Variants in GATAD2A observed in about 807,000 individuals in gnomAD.
GATAD2A encodes the protein GATA zinc finger domain containing 2A.
GATAD2A carries 12 observed loss-of-function variants against 68.5 expected under a neutral mutation model. That is an observed-to-expected ratio of 0.18 (90% confidence interval 0.11 to 0.28). The LOEUF (loss-of-function observed/expected upper bound fraction) is 0.28. GATAD2A is among the 10% of genes least tolerant of loss of function. The probability of loss-of-function intolerance (pLI) is 1.00; values close to 1 mark genes in which losing one functional copy is unlikely to be tolerated. For synonymous variants in GATAD2A, 410 were observed against 375.3 expected (o/e 1.09, Z -1.07); for missense variants, 755 against 868.5 (o/e 0.87, Z 1.64).
At chr19:19,496,259 C>G in intron 7 of GATAD2A, 40 bp downstream of exon 7, 2 of 1,577,828 alleles carry the variant, frequency 1.3e-6, no homozygotes, top group South Asian at 2.2e-5. Context: ...GAGTGTGTGT[C>G]CCACCTGTGA....
intron 2 of GATAD2A, among the ~76,000 whole-genome samples, chr19:19,491,824 G>A (rs924104468): frequency 1.3e-5 from 2 of 152,210 alleles, no homozygotes; most frequent in Non-Finnish European, 2.9e-5. Context: ...GCAGGGAGCT[G>A]GGCTCCCCTT....
At chr19:19,446,119 T>C (rs2055687474) in intron 1 of GATAD2A, among the ~76,000 whole-genome samples, 1 of 152,258 alleles carries the variant, frequency 6.6e-6, no homozygotes, top group Admixed American at 6.5e-5. Flanking sequence ...CCGTTTTCCA[T>C]GTCACTCTTA....
chr19:19,411,418 A>T (rs2050909276), intron 1 of GATAD2A, among the ~76,000 whole-genome samples: 1 of 152,176 alleles, frequency 6.6e-6, no homozygotes, highest in Non-Finnish European at 1.5e-5. Flanking sequence ...CAGATCTGTC[A>T]TGGGAGCCTT....
intron 1 of GATAD2A, among the ~76,000 whole-genome samples, chr19:19,422,562 G>T (rs1040428603): frequency 1.3e-5 from 2 of 152,196 alleles, no homozygotes; most frequent in Non-Finnish European, 2.9e-5. Flanking sequence ...GGGGATAGTG[G>T]TGAGGACAGT....
chr19:19,486,509 G>C (rs1054037173), intron 2 of GATAD2A, among the ~76,000 whole-genome samples: 1 of 152,246 alleles, frequency 6.6e-6, no homozygotes, highest in Admixed American at 6.5e-5. Context: ...TGAAGAGGCA[G>C]CATGTGATCT....
At chr19:19,441,022 CTTCCTTCCCTTCCTTCT>C (rs1277734486) in intron 1 of GATAD2A, among the ~76,000 whole-genome samples, 46 of 129,418 alleles carry the variant, frequency 3.6e-4, no homozygotes, top group Non-Finnish European at 5.8e-4. Flanking sequence ...CCTTCCTTCC[CTTCCTTCCCTTCCTTCT>C]TTCCTTCCCT....
chr19:19,386,499 C>A (rs1354412978), intron 1 of GATAD2A, among the ~76,000 whole-genome samples: 5 of 151,714 alleles, frequency 3.3e-5, no homozygotes, highest in African/African-American at 1.2e-4. Context: ...AGGGGACTTT[C>A]TTCCCATCTA....
intron 2 of GATAD2A, among the ~76,000 whole-genome samples, chr19:19,483,629 T>C (rs2059209165): frequency 1.3e-5 from 2 of 151,538 alleles, no homozygotes; most frequent in African/African-American, 4.8e-5. Flanking sequence ...GTGTTTTTTT[T>C]TTGGAGACTG....
chr19:19,484,518 CTTT>C (rs58628123), intron 2 of GATAD2A, among the ~76,000 whole-genome samples: 2 of 114,466 alleles, frequency 1.7e-5, no homozygotes, highest in Admixed American at 1.8e-4. Flanking sequence ...TTTTCTTTTT[CTTT>C]TTTTTTTTTT....
rs1173519874 is a variant in GATAD2A at position 19,492,379 on chromosome 19, C to T, written c.343C>T (p.Pro115Ser). The T allele has an allele frequency of 1.9e-6, 3 of 1,613,398 alleles. No homozygotes were observed. The highest frequency in any genetic ancestry group is 2.5e-6 in the Non-Finnish European group (3 of 1,179,708). ...CTCCGACAACGAGCAGCCCTCGAGC[C>T]CGAGAGTGAATGGGCTGACCACGGT... ...VLSDNEQPSS[P>S]RVNGLTTVAL... The change falls in exon 3 of 12, where the codon CCG becomes TCG. Residue 115 changes from proline (P) to serine (S), a missense_variant. By Grantham distance (74) the Pro-to-Ser change is moderately conservative. Coordinates refer to ENST00000683918, the MANE Select transcript of GATAD2A (RefSeq NM_001384528.1).
chr19:19,477,270 G>T (rs146615553), intron 2 of GATAD2A, among the ~76,000 whole-genome samples: 134 of 152,294 alleles, frequency 8.8e-4, no homozygotes, highest in Non-Finnish European at 1.8e-3. Flanking sequence ...GTTGCTATGT[G>T]CCTCCCTTGC....
chr19:19,467,741 A>C (rs1020240018), intron 2 of GATAD2A, among the ~76,000 whole-genome samples: 4 of 152,214 alleles, frequency 2.6e-5, no homozygotes, highest in Non-Finnish European at 4.4e-5. Context: ...GATGGCTTCT[A>C]GGAGAGAGAA....
At chr19:19,426,894 G>A (rs1391415407) in intron 1 of GATAD2A, among the ~76,000 whole-genome samples, 2 of 152,224 alleles carry the variant, frequency 1.3e-5, no homozygotes, top group Admixed American at 1.3e-4. Flanking sequence ...TGGCATGGCT[G>A]AGCTGGGGAG....
chr19:19,406,269 G>C (rs2050233983), intron 1 of GATAD2A, among the ~76,000 whole-genome samples: 1 of 152,046 alleles, frequency 6.6e-6, no homozygotes, highest in African/African-American at 2.4e-5. Context: ...GGAAAGTCGC[G>C]GCGTCGCCCC....
chr19:19,437,115 T>C (rs2054455096), intron 1 of GATAD2A, among the ~76,000 whole-genome samples: 2 of 152,226 alleles, frequency 1.3e-5, no homozygotes, highest in Non-Finnish European at 2.9e-5. Flanking sequence ...AATGAAACTT[T>C]CGTGGTACTT....
chr19:19,483,764 GCCA>G (rs1472023640), intron 2 of GATAD2A, among the ~76,000 whole-genome samples: 3 of 150,310 alleles, frequency 2.0e-5, no homozygotes, highest in Non-Finnish European at 4.4e-5. Context: ...ACAGGTGCCC[GCCA>G]CCATACCCGG....
At chr19:19,386,516 C>G (rs1490383221) in intron 1 of GATAD2A, among the ~76,000 whole-genome samples, 1 of 151,956 alleles carries the variant, frequency 6.6e-6, no homozygotes, top group East Asian at 1.9e-4. Flanking sequence ...TCTAGGGGAC[C>G]CTTGCCTCTC....
chr19:19,464,894 A>G (rs1490712073), intron 1 of GATAD2A: 1 of 239,304 alleles, frequency 4.2e-6, no homozygotes, highest in East Asian at 1.0e-4. Context: ...CCAGGCCCCG[A>G]CCCTGCTCCT....
chr19:19,501,350 G>GCAGGGCACGGCCCCTGCA lies in GATAD2A; in HGVS notation c.1442_1459dup (p.Gly481_Gln486dup). ...AGGAGATTGAGCAGCGGCTCCTGCAGCAGGGCACGGCCCCTGCACAGGCCA... is the reference window on the plus strand; with the variant it reads ...AGGAGATTGAGCAGCGGCTCCTGCAGCAGGGCACGGCCCCTGCACAGGGCACGGCCCCTGCACAGGCCA... On this transcript the variant is annotated inframe_insertion, in exon 9 of 12. Transcript: ENST00000683918. The GCAGGGCACGGCCCCTGCA allele has an allele frequency of 6.2e-7, 1 of 1,612,026 alleles. No individual in the cohort carries two copies. Among genetic ancestry groups the GCAGGGCACGGCCCCTGCA allele is most frequent in the Non-Finnish European group, 8.5e-7 (1 of 1,179,602 alleles).
Sources: allele counts gnomAD v4.1 joint callset (sites outside exome capture counted in the v4.1 genomes callset), GRCh38; gene constraint gnomAD v4.1.1; transcripts MANE v1.5; gene names NCBI Gene and HGNC (gene_info 2026-07-23, HGNC 2026-07-21).